The following PHACTR1 variants were observed in gnomAD, a reference collection of about 807,000 sequenced individuals.
PHACTR1 encodes RPEL repeat containing 1.
PHACTR1 carries 16 observed loss-of-function variants against 69.2 expected under a neutral mutation model. The ratio of observed to expected loss-of-function variants is 0.23; its 90% confidence interval spans 0.16 to 0.35. The LOEUF (loss-of-function observed/expected upper bound fraction) is 0.35. Among genes scored for constraint, PHACTR1 ranks in the 10% least tolerant of loss-of-function variants. The pLI, the probability that PHACTR1 is intolerant of heterozygous loss-of-function variation, is 1.00. For synonymous variants in PHACTR1, 312 were observed against 284.5 expected (o/e 1.10, Z -0.97); for missense variants, 510 against 734.7 (o/e 0.69, Z 3.54).
intron 4 of PHACTR1, among the ~76,000 whole-genome samples, chr6:12,847,417 G>A (rs1779401255): frequency 6.6e-6 from 1 of 152,156 alleles, no homozygotes; most frequent in Admixed American, 6.6e-5. Flanking sequence ...AAAGGTCTTT[G>A]AGTAGTCAAC....
At chr6:12,765,756 G>T (rs1393900762) in intron 4 of PHACTR1, among the ~76,000 whole-genome samples, 1 of 152,020 alleles carries the variant, frequency 6.6e-6, no homozygotes, top group African/African-American at 2.4e-5. Flanking sequence ...GAAAGAAAGG[G>T]TTATTTTGAT....
chr6:12,750,484 T>G (rs1581582801), intron 4 of PHACTR1, among the ~76,000 whole-genome samples: 1 of 124,958 alleles, frequency 8.0e-6, no homozygotes, highest in African/African-American at 3.1e-5. Flanking sequence ...GGGAAGGCAG[T>G]GGGGCGCTAG....
chr6:12,834,216 T>C (rs1408604465), intron 4 of PHACTR1, among the ~76,000 whole-genome samples: 1 of 152,162 alleles, frequency 6.6e-6, no homozygotes, highest in African/African-American at 2.4e-5. Context: ...GTCTAGCACA[T>C]AGGTACTCAA....
At chr6:13,147,334 T>G (rs1583578685) in intron 5 of PHACTR1, among the ~76,000 whole-genome samples, 1 of 152,220 alleles carries the variant, frequency 6.6e-6, no homozygotes, top group East Asian at 1.9e-4. Context: ...TTTTCCTCGG[T>G]GCACTCCCAA....
intron 4 of PHACTR1, among the ~76,000 whole-genome samples, chr6:12,999,664 GT>G (rs1367413885): frequency 3.3e-5 from 5 of 152,150 alleles, no homozygotes; most frequent in African/African-American, 1.2e-4. Context: ...TTCTTAAAGT[GT>G]GATACCAAGT....
intron 8 of PHACTR1, chr6:13,214,130 G>C (rs150728742): frequency 1.3e-5 from 2 of 151,872 alleles, no homozygotes; most frequent in African/African-American, 4.8e-5. Context: ...ATCGCACTCC[G>C]GATATGCTGA....
intron 4 of PHACTR1, among the ~76,000 whole-genome samples, chr6:12,987,821 C>G (rs532590303): frequency 3.3e-5 from 5 of 152,288 alleles, no homozygotes; most frequent in African/African-American, 9.6e-5. Context: ...AATGGTGTTT[C>G]TACTGTAGAG....
chr6:12,919,482 G>A (rs1472594487), intron 4 of PHACTR1, among the ~76,000 whole-genome samples: 1 of 152,158 alleles, frequency 6.6e-6, no homozygotes, highest in African/African-American at 2.4e-5. Context: ...AATCACATTG[G>A]ATGTGCACAC....
intron 5 of PHACTR1, among the ~76,000 whole-genome samples, chr6:13,099,133 C>T (rs1160775182): frequency 6.6e-6 from 1 of 152,194 alleles, no homozygotes; most frequent in Admixed American, 6.5e-5. Flanking sequence ...GCAGTCTTCA[C>T]CTGGGTAAAG....
Position 13,182,663 on chromosome 6 carries a change from C to A in PHACTR1, c.641C>A (p.Pro214Gln), listed in dbSNP as rs367868310. 5.1e-6 allele frequency: 8 copies of A among 1,570,812 alleles called. No homozygotes were observed. The highest frequency in any genetic ancestry group is 3.7e-5 in the Admixed American group (2 of 53,456). ...CCCTGCTCATATGAGGTGCTCCAAC[C>A]GTCAGACATCATGGATGGGCCAGGT... ...RDPCSYEVLQ[P>Q]SDIMDGPDPG... Residue 214 changes from proline (P) to glutamine (Q), a missense_variant, in exon 7 of 15, where the codon CCG becomes CAG. Physicochemically the swap from Pro to Gln is moderately conservative, Grantham distance 76 (BLOSUM62 -1). Transcript: ENST00000332995.
chr6:12,730,534 T>TTGTTCG (rs763565424), intron 3 of PHACTR1, among the ~76,000 whole-genome samples: 10 of 151,936 alleles, frequency 6.6e-5, no homozygotes, highest in Non-Finnish European at 1.3e-4. Flanking sequence ...TAGCTTGTTC[T>TTGTTCG]AAAATGCTGC....
intron 3 of PHACTR1, among the ~76,000 whole-genome samples, chr6:12,734,192 C>A (rs1763940513): frequency 6.6e-6 from 1 of 152,138 alleles, no homozygotes; most frequent in Admixed American, 6.5e-5. Context: ...TTTATCCTCC[C>A]AAGGCCCAGT....
At chr6:12,980,826 C>A (rs1217653220) in intron 4 of PHACTR1, among the ~76,000 whole-genome samples, 1 of 152,192 alleles carries the variant, frequency 6.6e-6, no homozygotes, top group African/African-American at 2.4e-5. Flanking sequence ...TCTCCTTAGT[C>A]ATATTTTCAT....
intron 8 of PHACTR1, among the ~76,000 whole-genome samples, chr6:13,209,029 G>A (rs932930673): frequency 1.3e-5 from 2 of 152,152 alleles, no homozygotes; most frequent in African/African-American, 2.4e-5. Flanking sequence ...AGACCAACCA[G>A]GCTGCAGAGA....
intron 12 of PHACTR1, chr6:13,280,679 C>A: frequency 3.1e-6 from 1 of 321,588 alleles, no homozygotes; most frequent in Non-Finnish European, 6.1e-6. Flanking sequence ...TTTCTCTGAC[C>A]AAACTGAGAC....
intron 10 of PHACTR1, among the ~76,000 whole-genome samples, chr6:13,257,624 C>G (rs975406341): frequency 6.6e-6 from 1 of 152,192 alleles, no homozygotes; most frequent in Admixed American, 6.5e-5. Flanking sequence ...ACAAATCTCA[C>G]GTTTTCCCTT....
At chr6:12,857,322 A>G (rs1225685513) in intron 4 of PHACTR1, among the ~76,000 whole-genome samples, 1 of 152,164 alleles carries the variant, frequency 6.6e-6, no homozygotes, top group Non-Finnish European at 1.5e-5. Context: ...GAAAAAAATC[A>G]ACATTCTCGT....
chr6:12,852,310 C>T (rs1561945522), intron 4 of PHACTR1, among the ~76,000 whole-genome samples: 1 of 152,156 alleles, frequency 6.6e-6, no homozygotes, highest in Admixed American at 6.6e-5. Flanking sequence ...AAAACAAACA[C>T]ATCTAACAAC....
chr6:13,042,604 T>TA (rs1804360076), intron 4 of PHACTR1, among the ~76,000 whole-genome samples: 1 of 152,216 alleles, frequency 6.6e-6, no homozygotes, highest in African/African-American at 2.4e-5. Flanking sequence ...TGAGATCCAC[T>TA]AGTCTGAAGA....
Sources: allele counts gnomAD v4.1 joint callset (sites outside exome capture counted in the v4.1 genomes callset), GRCh38; gene constraint gnomAD v4.1.1; transcripts MANE v1.5; gene names NCBI Gene and HGNC (gene_info 2026-07-23, HGNC 2026-07-21).